The following GLDN variants were observed in gnomAD, a reference collection of about 807,000 sequenced individuals.
GLDN encodes collomin.
A neutral mutation model predicts 56.5 loss-of-function variants in GLDN; 47 were observed. The observed-to-expected ratio is 0.83, with a 90% CI of 0.66 to 1.06. The LOEUF (loss-of-function observed/expected upper bound fraction) is 1.06, where lower values mean the gene tolerates loss of function less well. Ranked by LOEUF, GLDN falls within the 50% of genes least tolerant of loss-of-function variation. The pLI, the probability that GLDN is intolerant of heterozygous loss-of-function variation, is 0.00. For synonymous variants in GLDN, 332 were observed against 278.8 expected, an observed-to-expected ratio of 1.19 and a Z score of -1.90; for missense variants, 782 against 714.3, an observed-to-expected ratio of 1.09 and a Z score of -1.08.
Position 51,378,046 on chromosome 15 carries a change from G to C in GLDN, c.415+546G>C, listed in dbSNP as rs762047256. 1.2e-3 allele frequency among the ~76,000 whole-genome samples: 177 copies of C among 152,202 alleles called. 2 individuals carry two copies. The highest frequency in any genetic ancestry group is 2.1e-3 in the Non-Finnish European group (144 of 68,032). ...TCTCAGGGTTAAGGAACCCTGCACA[G>C]TTTGCATCAGGTTGTAGGAAGCCTA... On this transcript the variant is annotated intron_variant, in intron 2 of 9. Transcript: ENST00000335449.
chr15:51,385,847 T>C (rs1282732498), intron 4 of GLDN, among the ~76,000 whole-genome samples: 2 of 152,140 alleles, frequency 1.3e-5, no homozygotes, highest in Non-Finnish European at 2.9e-5. Context: ...CCTAGCCTAG[T>C]TGAGATCAGA....
In GLDN at chr15:51,341,921, G is replaced by A. The variant is rs1040375955; in HGVS notation, c.237G>A (p.Ala79=). 6 of 1,595,198 alleles carry A rather than the reference G, an allele frequency of 3.8e-6. No individual in the cohort carries two copies. The highest frequency in any genetic ancestry group is 3.4e-4 in the Middle Eastern group (2 of 5,864). Residue 79 remains alanine (A), a synonymous_variant, in exon 1 of 10, where the codon GCG becomes GCA. Coordinates refer to ENST00000335449, the MANE Select transcript of GLDN (RefSeq NM_181789.4). ...AGTTGAGCCGCGCGCCGCGCGGGGC[G>A]TCCGCACCACCCCAAGACCCGGCCA... ...LAELSRAPRG[A]SAPPQDPASS...
At chr15:51,369,994 T>G (rs1165361250) in intron 1 of GLDN, among the ~76,000 whole-genome samples, 1 of 152,176 alleles carries the variant, frequency 6.6e-6, no homozygotes, top group Non-Finnish European at 1.5e-5. Context: ...CGCATGTCTG[T>G]AGTCCCAGCT....
At chr15:51,401,528 G>T in intron 8 of GLDN, 65 bp from the exon 9 acceptor site, 1 of 1,469,130 alleles carries the variant, frequency 6.8e-7, no homozygotes, top group Non-Finnish European at 9.4e-7. Context: ...TCCTCCCAAG[G>T]ACTCCCTCCC....
chr15:51,344,281 A>G (rs2036938656), intron 1 of GLDN, among the ~76,000 whole-genome samples: 1 of 152,212 alleles, frequency 6.6e-6, no homozygotes, highest in Admixed American at 6.5e-5. Context: ...GGACCTTGGC[A>G]TAACTTCCTA....
chr15:51,408,492 C>A (rs1299087611), downstream of GLDN, among the ~76,000 whole-genome samples: 1 of 152,102 alleles, frequency 6.6e-6, no homozygotes, highest in Non-Finnish European at 1.5e-5. Flanking sequence ...ATAATTGTTA[C>A]TTTTATTGTT....
At chr15:51,351,907 T>C (rs565404155) in intron 1 of GLDN, among the ~76,000 whole-genome samples, 31 of 152,260 alleles carry the variant, frequency 2.0e-4, no homozygotes, top group Non-Finnish European at 3.5e-4. Flanking sequence ...ACTGAGAAAA[T>C]AGTAACTACC....
At chr15:51,403,516 C>T (rs527587735) in intron 9 of GLDN, among the ~76,000 whole-genome samples, 9 of 152,170 alleles carry the variant, frequency 5.9e-5, no homozygotes, top group Non-Finnish European at 8.8e-5. Context: ...CCTGGAGTTA[C>T]GTACCTTTTG....
At chr15:51,412,430 A>AGGTAATGTGGTAATGC (rs2038476865), downstream of GLDN, among the ~76,000 whole-genome samples, 8 of 152,204 alleles carry the variant, frequency 5.3e-5, no homozygotes, top group South Asian at 1.7e-3. Context: ...TAGGAGTCTG[A>AGGTAATGTGGTAATGC]CAAGGTAATG....
chr15:51,404,862 C>T lies in GLDN; in HGVS notation c.*108C>T. On this transcript the variant is annotated 3_prime_UTR_variant, in exon 10 of 10. Coordinates refer to ENST00000335449, the MANE Select transcript of GLDN (RefSeq NM_181789.4). ...CGTCAGCCAGATATTTAGAAAATAA[C>T]CTCAAAAGTGTTTATATGGTCAGTG... The T allele has an allele frequency of 2.9e-6, 2 of 684,910 alleles. No individual in the cohort carries two copies. Among genetic ancestry groups the T allele is most frequent in the Admixed American group, 2.3e-5 (1 of 42,960 alleles). The allele number at this position is 684,910 out of a possible 1,614,324, so 42.4% of individuals were successfully genotyped here.
At chr15:51,368,011 A>G (rs1244162528) in intron 1 of GLDN, among the ~76,000 whole-genome samples, 1 of 152,206 alleles carries the variant, frequency 6.6e-6, no homozygotes, top group Non-Finnish European at 1.5e-5. Flanking sequence ...AGCTGCAAAA[A>G]TAAAATTATC....
intron 1 of GLDN, among the ~76,000 whole-genome samples, chr15:51,342,886 G>T (rs1399946193): frequency 2.0e-5 from 3 of 152,146 alleles, no homozygotes; most frequent in African/African-American, 7.2e-5. Flanking sequence ...CCCCCAAAAG[G>T]TTTAAGAAAC....
intron 1 of GLDN, 34 bp downstream of exon 1, chr15:51,342,081 G>C: frequency 1.3e-6 from 2 of 1,588,224 alleles, no homozygotes; most frequent in Non-Finnish European, 1.7e-6. Context: ...TGGCGCCCCG[G>C]CCAGGTGGGC....
intron 1 of GLDN, among the ~76,000 whole-genome samples, chr15:51,360,708 G>A (rs1566937872): frequency 6.6e-6 from 1 of 152,204 alleles, no homozygotes; most frequent in African/African-American, 2.4e-5. Context: ...TTGTGACTGG[G>A]GAACCTTATT....
At position 51,377,751 on chromosome 15, in the gene GLDN, C is replaced by T. The variant is rs561817573; in HGVS notation, c.415+251C>T. Reference sequence around the variant, plus strand: ...AATTAGAAACGTGTGGTACCTTGAACCAGAGCCACAGATTATTTTCTTATT... The same window carrying T: ...AATTAGAAACGTGTGGTACCTTGAATCAGAGCCACAGATTATTTTCTTATT... On this transcript the variant is annotated intron_variant, in intron 2 of 9. Transcript: ENST00000335449. Among the ~76,000 whole-genome samples, 15 of 152,204 alleles carry T rather than the reference C, an allele frequency of 9.9e-5. No individual in the cohort carries two copies. In the South Asian group the frequency reaches 3.1e-3, roughly 32 times the overall value.
At chr15:51,396,334 A>C (rs887614873) in intron 5 of GLDN, among the ~76,000 whole-genome samples, 1 of 152,230 alleles carries the variant, frequency 6.6e-6, no homozygotes, top group African/African-American at 2.4e-5. Flanking sequence ...CTAAGGATAC[A>C]CTTCAGTTAT....
chr15:51,370,861 G>A (rs755452111), intron 1 of GLDN, among the ~76,000 whole-genome samples: 19 of 152,070 alleles, frequency 1.2e-4, no homozygotes, highest in Non-Finnish European at 1.8e-4. Flanking sequence ...GTGTGGTGGT[G>A]TGCACCTATA....
chr15:51,343,319 C>G (rs2036918868), intron 1 of GLDN, among the ~76,000 whole-genome samples: 1 of 151,792 alleles, frequency 6.6e-6, no homozygotes, highest in Admixed American at 6.6e-5. Flanking sequence ...AAAATCTGGA[C>G]CTAAGCAGAA....
chr15:51,351,656 G>C (rs2037078929), intron 1 of GLDN, among the ~76,000 whole-genome samples: 2 of 152,304 alleles, frequency 1.3e-5, no homozygotes, highest in Admixed American at 6.5e-5. Flanking sequence ...ACCTGCCCAT[G>C]GTACTGCTGC....
Sources: allele counts gnomAD v4.1 joint callset (sites outside exome capture counted in the v4.1 genomes callset), GRCh38; gene constraint gnomAD v4.1.1; transcripts MANE v1.5; gene names NCBI Gene and HGNC (gene_info 2026-07-23, HGNC 2026-07-21).